SNX30: variants seen among roughly 807,000 people sequenced by gnomAD.
SNX30 encodes the protein sorting nexin-30.
Under a neutral mutation model 46.4 loss-of-function variants are expected in SNX30, and 24 were observed. The observed-to-expected ratio is 0.52, with a 90% CI of 0.37 to 0.73. The LOEUF (loss-of-function observed/expected upper bound fraction) is 0.73. Among genes scored for constraint, SNX30 ranks in the 30% least tolerant of loss-of-function variants. The pLI is 0.00. For synonymous variants in SNX30, 189 were observed against 211.5 expected, an observed-to-expected ratio of 0.89 and a Z score of 0.92; for missense variants, 533 against 555.7, an observed-to-expected ratio of 0.96 and a Z score of 0.41.
At chr9:112,765,364 G>A (rs1333829772) in intron 1 of SNX30, among the ~76,000 whole-genome samples, 2 of 152,204 alleles carry the variant, frequency 1.3e-5, no homozygotes, top group African/African-American at 4.8e-5. Flanking sequence ...ATATTCACAA[G>A]ATAATGCAAT....
At chr9:112,813,853 A>G (rs894868031) in intron 2 of SNX30, among the ~76,000 whole-genome samples, 3 of 152,170 alleles carry the variant, frequency 2.0e-5, no homozygotes, top group Non-Finnish European at 2.9e-5. Context: ...CCATAATTTC[A>G]TTAATAGTTT....
intron 3 of SNX30, among the ~76,000 whole-genome samples, chr9:112,822,273 T>C (rs1291035245): frequency 6.6e-6 from 1 of 152,198 alleles, no homozygotes; most frequent in Non-Finnish European, 1.5e-5. Context: ...TGGTTGTATA[T>C]GTTTGTCATC....
chr9:112,820,107 C>T (rs1353752343), intron 3 of SNX30, among the ~76,000 whole-genome samples: 1 of 152,058 alleles, frequency 6.6e-6, no homozygotes, highest in Non-Finnish European at 1.5e-5. Context: ...TCCATAGACA[C>T]TAGAAGAGAA....
intron 1 of SNX30, among the ~76,000 whole-genome samples, chr9:112,766,642 C>T (rs1839541934): frequency 6.6e-6 from 1 of 152,222 alleles, no homozygotes; most frequent in Admixed American, 6.5e-5. Context: ...AGCCCTAGGT[C>T]ACTACCTTTC....
At position 112,750,889 on chromosome 9, in the gene SNX30, AAGGCCTCGGGTT is replaced by A. The variant is rs1232199554; in HGVS notation, c.-111_-100del. On this transcript the variant is annotated 5_prime_UTR_variant, in exon 1 of 9. Coordinates refer to ENST00000374232, the MANE Select transcript of SNX30 (RefSeq NM_001012994.2). ...CGGCGGCCCCCAGCACGGCCGGTGC[AAGGCCTCGGGTT>A]AAGCGGCGGCCGAGCGGGGCTCGGC... 60 of 1,013,846 alleles carry A rather than the reference AAGGCCTCGGGTT, an allele frequency of 5.9e-5. No homozygotes were observed. Among genetic ancestry groups the A allele is most frequent in the Non-Finnish European group, 7.0e-5 (58 of 829,530 alleles). 62.8% of individuals were successfully genotyped at this position (1,013,846 alleles called of 1,614,324 possible).
intron 1 of SNX30, among the ~76,000 whole-genome samples, chr9:112,771,965 T>C (rs787287): frequency 0.94 from 142,691 of 152,254 alleles, 66,946 homozygotes; most frequent in East Asian, 1. Context: ...ACATTCTTTT[T>C]TTTCCTGGTT....
downstream of SNX30, chr9:112,875,908 T>G (rs887667236): frequency 6.6e-6 from 1 of 152,162 alleles, no homozygotes; most frequent in Admixed American, 6.5e-5. Flanking sequence ...CGCCTCAGTC[T>G]CCCGAGTAGC....
At chr9:112,792,015 T>C (rs932126543) in intron 1 of SNX30, among the ~76,000 whole-genome samples, 9 of 152,332 alleles carry the variant, frequency 5.9e-5, no homozygotes, top group African/African-American at 1.9e-4. Context: ...ATGATGTTTA[T>C]GCTTGTTCTC....
chr9:112,827,899 C>G (rs984796692), intron 3 of SNX30, among the ~76,000 whole-genome samples: 1 of 152,156 alleles, frequency 6.6e-6, no homozygotes, highest in African/African-American at 2.4e-5. Flanking sequence ...CCAACGTTGT[C>G]TTGGTTTATT....
At chr9:112,794,982 A>G (rs1840085165) in intron 1 of SNX30, among the ~76,000 whole-genome samples, 1 of 152,232 alleles carries the variant, frequency 6.6e-6, no homozygotes, top group Non-Finnish European at 1.5e-5. Context: ...TCAACTATGT[A>G]GTTGTAACTC....
intron 6 of SNX30, among the ~76,000 whole-genome samples, chr9:112,842,068 C>T (rs931881130): frequency 8.5e-5 from 13 of 152,186 alleles, no homozygotes; most frequent in Admixed American, 3.3e-4. Flanking sequence ...CTCAGGCTCC[C>T]GAGTAGCTGG....
At chr9:112,868,734 C>G (rs374427003) in intron 8 of SNX30, 50 bp from the exon 9 acceptor site, 2 of 1,607,304 alleles carry the variant, frequency 1.2e-6, no homozygotes, top group Non-Finnish European at 1.7e-6. Flanking sequence ...GAAGCTGACC[C>G]GAAATCGGAA....
intron 4 of SNX30, among the ~76,000 whole-genome samples, chr9:112,832,457 AGAGTGT>A (rs1271989592): frequency 6.4e-4 from 72 of 112,380 alleles, no homozygotes; most frequent in Admixed American, 8.6e-4. Flanking sequence ...AGAGAGAGAG[AGAGTGT>A]GTGTGTGTGT....
intron 1 of SNX30, among the ~76,000 whole-genome samples, chr9:112,772,257 GA>G (rs1312759374): frequency 1.3e-5 from 2 of 152,234 alleles, no homozygotes; most frequent in African/African-American, 4.8e-5. Context: ...AGTGGAAATG[GA>G]AGAAGTGTTT....
intron 3 of SNX30, among the ~76,000 whole-genome samples, chr9:112,822,686 G>GGTTT (rs1168678938): frequency 3.9e-5 from 6 of 151,940 alleles, no homozygotes; most frequent in African/African-American, 1.5e-4. Context: ...TGCTTTCCAT[G>GGTTT]GTTTCAGTTA....
intron 1 of SNX30, among the ~76,000 whole-genome samples, chr9:112,795,711 C>G (rs535654128): frequency 2.0e-5 from 3 of 151,500 alleles, no homozygotes; most frequent in Non-Finnish European, 4.4e-5. Context: ...CTTGAAGTCA[C>G]TACCCGACCT....
chr9:112,839,039 C>G (rs1486005529), intron 6 of SNX30, among the ~76,000 whole-genome samples: 3 of 152,004 alleles, frequency 2.0e-5, no homozygotes, highest in African/African-American at 7.3e-5. Flanking sequence ...ACTGAATAAT[C>G]AAGTTGGAAG....
At chr9:112,773,494 A>T (rs1180761148) in intron 1 of SNX30, among the ~76,000 whole-genome samples, 1 of 152,102 alleles carries the variant, frequency 6.6e-6, no homozygotes. Flanking sequence ...GGCTCAAGCA[A>T]TCTTCCCAAG....
rs148265511 is a variant in SNX30 at position 112,790,526 on chromosome 9, A to G, written c.157-14250A>G. Among the ~76,000 whole-genome samples the G allele has an allele frequency of 6.5e-4, 99 of 152,276 alleles. No individual in the cohort carries two copies. In the South Asian group the frequency reaches 0.016, roughly 25 times the overall value. On this transcript the variant is annotated intron_variant, in intron 1 of 8. Coordinates refer to ENST00000374232, the MANE Select transcript of SNX30 (RefSeq NM_001012994.2). ...TGGTGGAAGCATGCGTTGGCTCTTA[A>G]AGGATCTGCTCTGATCCGATGTACA...
Sources: gnomAD v4.1 joint callset for allele counts (sites outside exome capture counted in the v4.1 genomes callset) on GRCh38, gnomAD v4.1.1 for gene constraint, MANE v1.5 for transcripts, NCBI Gene and HGNC (gene_info 2026-07-23, HGNC 2026-07-21) for gene names.